The following PFKM variants were observed in gnomAD, a reference collection of about 807,000 sequenced individuals.
The protein encoded by PFKM is ATP-dependent 6-phosphofructokinase, muscle type.
Under a neutral mutation model 95.5 loss-of-function variants are expected in PFKM, and 58 were observed. That is an observed-to-expected ratio of 0.61 (90% CI 0.49 to 0.76). The LOEUF (loss-of-function observed/expected upper bound fraction) is 0.76. PFKM is among the 30% of genes least tolerant of loss of function. The pLI is 0.00. For synonymous variants in PFKM, 336 were observed against 357.2 expected (o/e 0.94, Z 0.67); for missense variants, 678 against 1,005.4 (o/e 0.67, Z 4.40).
chr12:48,107,527 G>A, intron 2 of PFKM: 3 of 974,668 alleles, frequency 3.1e-6, no homozygotes, highest in Non-Finnish European at 4.9e-6. Context: ...AATACAGGAT[G>A]TGAGGCTTTC....
At chr12:48,115,612 A>G (rs149741178), upstream of PFKM, among the ~76,000 whole-genome samples, 2 of 152,342 alleles carry the variant, frequency 1.3e-5, no homozygotes, top group Non-Finnish European at 2.9e-5. Context: ...GCTTCAGGCC[A>G]TCTGGATGTA....
chr12:48,133,921 C>T (rs1374273311), intron 6 of PFKM, among the ~76,000 whole-genome samples: 1 of 152,018 alleles, frequency 6.6e-6, no homozygotes, highest in Non-Finnish European at 1.5e-5. Context: ...CAGGGTAATC[C>T]TAAAGGATTC....
At chr12:48,131,209 G>C in intron 3 of PFKM, 107 bp from the exon 4 acceptor site, 1 of 792,478 alleles carries the variant, frequency 1.3e-6, no homozygotes, top group Non-Finnish European at 2.3e-6. Context: ...TCACTAATGG[G>C]AGGAGGTGGC....
intron 1 of PFKM, among the ~76,000 whole-genome samples, chr12:48,122,077 G>C (rs1948342119): frequency 6.6e-6 from 1 of 152,138 alleles, no homozygotes; most frequent in South Asian, 2.1e-4. Context: ...GTAGTAATGT[G>C]AGGGGCAAGA....
chr12:48,120,404 A>G (rs1948135528), intron 1 of PFKM, among the ~76,000 whole-genome samples: 1 of 152,198 alleles, frequency 6.6e-6, no homozygotes, highest in Admixed American at 6.5e-5. Context: ...TGTAATGTGC[A>G]TAGACTTTGC....
chr12:48,142,074 C>T lies in PFKM; in HGVS notation c.1653+8C>T, dbSNP rs369425921. The T allele has an allele frequency of 2.3e-5, 37 of 1,613,440 alleles. No individual in the cohort carries two copies. The African/African-American group carries it at 4.7e-4, about 20-fold the overall frequency. On this transcript the variant is annotated splice_region_variant and intron_variant, in intron 17 of 22. Coordinates refer to ENST00000359794, the MANE Select transcript of PFKM (RefSeq NM_000289.6). ...CTCAATACTATCTGCACAGTGAGAG[C>T]CTATCACCACTTCCCATCCCTTTTG...
At position 48,145,361 on chromosome 12, in the gene PFKM, C is replaced by A; in HGVS notation, c.2198+46C>A. 6.7e-7 allele frequency: 1 copy of A among 1,486,138 alleles called. No individual in the cohort carries two copies. The highest frequency in any genetic ancestry group is 9.4e-7 in the Non-Finnish European group (1 of 1,063,768). 92.1% of individuals were successfully genotyped at this position (1,486,138 alleles called of 1,614,324 possible). On this transcript the variant is annotated intron_variant, in intron 22 of 22. Coordinates refer to ENST00000359794, the MANE Select transcript of PFKM (RefSeq NM_000289.6). This position sits in a 1 kb window ranked among gnomAD's most constrained non-coding sequence, Gnocchi z 4.3. The stretch of plus-strand genomic sequence containing the variant: ...GAGTGGTTCTTTTCCCTGGTAGTTT[C>A]AAGCTCTACTGTCCTCAACCTGTTC...
Position 48,107,306 on chromosome 12 carries a change from CA to C in PFKM, c.-9-58del, listed in dbSNP as rs1946758513. 3 of 1,065,196 alleles carry C rather than the reference CA, an allele frequency of 2.8e-6. No homozygotes were observed. The African/African-American group carries it at 4.6e-5, about 16-fold the overall frequency. The allele number at this position is 1,065,196 out of a possible 1,614,324, so 66.0% of individuals were successfully genotyped here. On this transcript the variant is annotated intron_variant, in intron 1 of 24. Transcript: ENST00000340802. ...ATGAGTGTAGCTGGTCCATGTCAGTCACTGACATCTTATTTCACAGCTCTGT... is the reference window on the plus strand; with the variant it reads ...ATGAGTGTAGCTGGTCCATGTCAGTCCTGACATCTTATTTCACAGCTCTGT...
upstream of PFKM, among the ~76,000 whole-genome samples, chr12:48,116,577 C>T (rs766388970): frequency 6.6e-6 from 1 of 152,188 alleles, no homozygotes; most frequent in Non-Finnish European, 1.5e-5. Flanking sequence ...CTCCCAGGCT[C>T]AAGTCATTCT....
chr12:48,145,488 TC>T lies in PFKM; in HGVS notation c.2199-75del. 6.4e-7 allele frequency: 1 copy of T among 1,570,398 alleles called. No homozygotes were observed. The highest frequency in any genetic ancestry group is 1.1e-5 in the South Asian group (1 of 89,580). ...TAAATCTAACCTCTTCTGTCTAACT[TC>T]TTCCTATAAACCTTTGGTAGAAGTT... is the stretch of plus-strand genomic sequence containing the variant. On this transcript the variant is annotated intron_variant, in intron 22 of 22. Coordinates refer to ENST00000359794, the MANE Select transcript of PFKM (RefSeq NM_000289.6). This position sits in a 1 kb window ranked among gnomAD's most constrained non-coding sequence, Gnocchi z 4.3.
At chr12:48,137,692 G>T in intron 10 of PFKM, 29 bp from the exon 11 acceptor site, 1 of 1,614,068 alleles carries the variant, frequency 6.2e-7, no homozygotes, top group Non-Finnish European at 8.5e-7. Context: ...GCCTGAGCCA[G>T]ACTGTCTTTG....
chr12:48,125,303 CTT>C (rs984826803), intron 2 of PFKM: 36 of 449,822 alleles, frequency 8.0e-5, no homozygotes, highest in African/African-American at 7.1e-4. Context: ...GTATGTTTAT[CTT>C]TTTGATTTTT....
At chr12:48,108,587 A>G (rs1227919311) in intron 3 of PFKM, among the ~76,000 whole-genome samples, 1 of 152,234 alleles carries the variant, frequency 6.6e-6, no homozygotes, top group Non-Finnish European at 1.5e-5. Flanking sequence ...ATGAGTTATT[A>G]TTTTACAAAA....
chr12:48,121,741 C>G (rs1291159377), intron 1 of PFKM, among the ~76,000 whole-genome samples: 1 of 151,968 alleles, frequency 6.6e-6, no homozygotes, highest in African/African-American at 2.4e-5. Context: ...TTGTAGTAAG[C>G]AGTTCAGGTG....
rs1193700814 is a variant in PFKM at position 48,144,070 on chromosome 12, T to A, written c.1905T>A (p.Tyr635Ter). The A allele has an allele frequency of 1.2e-6, 2 of 1,613,354 alleles. No individual in the cohort carries two copies. Among genetic ancestry groups the A allele is most frequent in the Non-Finnish European group, 1.7e-6 (2 of 1,179,384 alleles). ...VLRNEKCNENYTTDFIFNLYS... is the reference protein window; with the variant it reads ...VLRNEKCNEN ...GGAATGAAAAGTGCAATGAGAACTA[T>A]ACCACTGACTTCATTTTCAACCTGT... Residue 635 changes from tyrosine (Y) to a stop codon, truncating the protein, a stop_gained, in exon 20 of 23, where the codon TAT becomes TAA. Transcript: ENST00000359794. LOFTEE classifies it high-confidence loss of function.
chr12:48,106,693 G>C (rs1946656839), intron 1 of PFKM, among the ~76,000 whole-genome samples: 1 of 126,218 alleles, frequency 7.9e-6, no homozygotes, highest in South Asian at 2.6e-4. Context: ...ATACTTGATT[G>C]ACCATTCAGC....
At chr12:48,128,850 A>G (rs958815768) in intron 2 of PFKM, among the ~76,000 whole-genome samples, 2 of 152,212 alleles carry the variant, frequency 1.3e-5, no homozygotes, top group African/African-American at 4.8e-5. Flanking sequence ...AATGTCTAAG[A>G]GAGACTGGCT....
chr12:48,143,379 TGA>T (rs964052432), intron 18 of PFKM, among the ~76,000 whole-genome samples: 2 of 142,614 alleles, frequency 1.4e-5, no homozygotes, highest in Non-Finnish European at 3.2e-5. Context: ...ATTCTGCTTT[TGA>T]GAGAGATACT....
intron 6 of PFKM, 132 bp from the exon 7 acceptor site, chr12:48,134,100 C>A: frequency 1.2e-6 from 1 of 803,200 alleles, no homozygotes; most frequent in Non-Finnish European, 2.3e-6. Context: ...TCTTCCTGGT[C>A]TCAGGAAGCC....
Sources: gnomAD v4.1 joint callset for allele counts (sites outside exome capture counted in the v4.1 genomes callset) on GRCh38, gnomAD v4.1.1 for gene constraint, Gnocchi (gnomAD v3.1) non-coding constraint, MANE v1.5 for transcripts, NCBI Gene and HGNC (gene_info 2026-07-23, HGNC 2026-07-21) for gene names.